The following CFAP52 variants were observed in gnomAD, a reference collection of about 807,000 sequenced individuals.
CFAP52 encodes the protein cilia and flagella associated protein 52, also known as cilia- and flagella-associated protein 52.
CFAP52 carries 57 observed loss-of-function variants against 70.5 expected under a neutral mutation model. The ratio of observed to expected loss-of-function variants is 0.81; its 90% CI spans 0.65 to 1.01. The LOEUF (loss-of-function observed/expected upper bound fraction) is 1.01, where lower values mean the gene tolerates loss of function less well. CFAP52 is among the 50% of genes least tolerant of loss of function. CFAP52 has a pLI of 0.00. For missense variants in CFAP52, 785 were observed against 788.5 expected (o/e 1.00, Z 0.05); for synonymous variants, 267 against 292.5 (o/e 0.91, Z 0.89).
chr17:9,583,514 A>G (rs1315448837), intron 1 of CFAP52, among the ~76,000 whole-genome samples: 1 of 152,156 alleles, frequency 6.6e-6, no homozygotes, highest in Non-Finnish European at 1.5e-5. Context: ...ATAAGAAATG[A>G]GTGAGATCTT....
At position 9,585,682 on chromosome 17, in the gene CFAP52, C is replaced by T. The variant is rs572892013; in HGVS notation, c.71-91C>T. On this transcript the variant is annotated intron_variant, in intron 1 of 13. Transcript: ENST00000352665. ...TGCAAGACTCTGTCACACACACACA[C>T]ACACACAAAGTGTTGTGTTTTGTAC... 2.0e-5 allele frequency: 26 copies of T among 1,282,612 alleles called. No individual in the cohort carries two copies. In the South Asian group the frequency reaches 2.4e-4, roughly 12 times the overall value. 79.5% of individuals were successfully genotyped at this position (1,282,612 alleles called of 1,614,324 possible). A position where few individuals can be genotyped will look rare whatever the true frequency, so the allele number is the denominator to read the frequency against.
chr17:9,632,543 A>G (rs1230273820), intron 9 of CFAP52, among the ~76,000 whole-genome samples: 1 of 152,178 alleles, frequency 6.6e-6, no homozygotes, highest in Non-Finnish European at 1.5e-5. Context: ...GGTGCCTTGG[A>G]TGAAGGAGGT....
chr17:9,642,728 A>G (rs1211904336), intron 13 of CFAP52, among the ~76,000 whole-genome samples: 4 of 152,236 alleles, frequency 2.6e-5, no homozygotes. Flanking sequence ...TCCCAATCAT[A>G]TATATGATGT....
intron 13 of CFAP52, among the ~76,000 whole-genome samples, 156 bp downstream of exon 13, chr17:9,641,991 G>C (rs568894364): frequency 6.6e-6 from 1 of 152,266 alleles, no homozygotes; most frequent in East Asian, 1.9e-4. Context: ...CAATGTGGCT[G>C]AGAAAGAAAA....
chr17:9,635,267 C>G (rs1910720166), intron 10 of CFAP52, 138 bp from the exon 11 acceptor site: 4 of 1,198,286 alleles, frequency 3.3e-6, no homozygotes, highest in Non-Finnish European at 4.6e-6. Flanking sequence ...CATTCACACC[C>G]CACCCAACCG....
rs1326077887 is a variant in CFAP52, at chr17:9,632,890, T to C, written c.1177T>C (p.Trp393Arg). 6 of 1,613,916 alleles carry C rather than the reference T, an allele frequency of 3.7e-6. No individual in the cohort carries two copies. The highest frequency in any genetic ancestry group is 5.1e-6 in the Non-Finnish European group (6 of 1,179,906). The change falls in exon 10 of 14, where the codon TGG (tryptophan) becomes CGG (arginine). Residue 393 changes from tryptophan to arginine, a missense_variant and splice_region_variant. Physicochemically the swap from Trp to Arg is moderately radical, Grantham distance 101 (BLOSUM62 -3). Transcript: ENST00000352665. ...MRDGKSIISA[W>R]NDGKIRAFAP... ...CTTTTGTTTCCCTTTCATGCCAGCATGGAACGACGGTAAAATCCGAGCCTT... is the reference window on the plus strand; with the variant it reads ...CTTTTGTTTCCCTTTCATGCCAGCACGGAACGACGGTAAAATCCGAGCCTT...
chr17:9,613,414 T>C (rs1237848676), intron 8 of CFAP52, among the ~76,000 whole-genome samples: 1 of 152,068 alleles, frequency 6.6e-6, no homozygotes. Context: ...TCCTCAGTAC[T>C]TAGCTTAATT....
intron 6 of CFAP52, among the ~76,000 whole-genome samples, chr17:9,602,298 C>T (rs768311432): frequency 5.9e-5 from 9 of 152,072 alleles, no homozygotes; most frequent in Admixed American, 2.6e-4. Flanking sequence ...TGACAGGCCC[C>T]GGTGTGTGAT....
At chr17:9,638,760 C>T (rs1159837369) in intron 12 of CFAP52, 49 bp downstream of exon 12, 3 of 1,584,922 alleles carry the variant, frequency 1.9e-6, no homozygotes, top group Admixed American at 1.7e-5. Flanking sequence ...AAGAGAAAAG[C>T]AGTGAGGCGT....
intron 4 of CFAP52, 59 bp downstream of exon 4, chr17:9,594,380 A>T: frequency 6.4e-7 from 1 of 1,572,954 alleles, no homozygotes; most frequent in Non-Finnish European, 8.7e-7. Context: ...TCTTGCACAG[A>T]AAACATGGTC....
intron 3 of CFAP52, 106 bp downstream of exon 3, chr17:9,586,940 G>T (rs951683043): frequency 1.5e-6 from 2 of 1,320,568 alleles, no homozygotes; most frequent in African/African-American, 3.0e-5. Context: ...TTATGTCACG[G>T]GTTTGTTGTA....
chr17:9,643,556 T>C (rs1911187184), downstream of CFAP52: 1 of 160,788 alleles, frequency 6.2e-6, no homozygotes, highest in Non-Finnish European at 1.3e-5. Context: ...TGAGGTGAAT[T>C]TCCTTCTTAA....
At chr17:9,613,596 C>A (rs139321138) in intron 8 of CFAP52, among the ~76,000 whole-genome samples, 33 of 152,184 alleles carry the variant, frequency 2.2e-4, no homozygotes, top group African/African-American at 6.5e-4. Flanking sequence ...CGACTCACTG[C>A]AACCTCTGCC....
chr17:9,613,120 A>G (rs1379715402), intron 8 of CFAP52, among the ~76,000 whole-genome samples: 1 of 151,954 alleles, frequency 6.6e-6, no homozygotes, highest in Non-Finnish European at 1.5e-5. Context: ...ATCTTAAGAC[A>G]CGAAGTATCT....
chr17:9,614,726 T>C (rs1006364380), intron 8 of CFAP52, among the ~76,000 whole-genome samples: 5 of 152,230 alleles, frequency 3.3e-5, no homozygotes, highest in African/African-American at 1.2e-4. Context: ...TGGATGCTAT[T>C]CTGTGCATTA....
intron 11 of CFAP52, among the ~76,000 whole-genome samples, chr17:9,637,354 G>T (rs56371689): frequency 6.6e-6 from 1 of 151,980 alleles, no homozygotes; most frequent in Non-Finnish European, 1.5e-5. Flanking sequence ...AAGCTGTTCC[G>T]TTGTGTAGCA....
chr17:9,632,737 G>A (rs1228019584), intron 9 of CFAP52, 151 bp from the exon 10 acceptor site: 33 of 1,155,672 alleles, frequency 2.9e-5, no homozygotes, highest in Non-Finnish European at 3.7e-5. Context: ...AGGGAAAGGG[G>A]CCTATGGTGA....
intron 13 of CFAP52, 58 bp downstream of exon 13, chr17:9,641,893 GA>G: frequency 6.8e-7 from 1 of 1,467,902 alleles, no homozygotes; most frequent in Non-Finnish European, 9.5e-7. Context: ...GACATGGAAG[GA>G]ACTCCCAGGC....
chr17:9,644,167 G>T (rs982286086), downstream of CFAP52, among the ~76,000 whole-genome samples: 3 of 152,162 alleles, frequency 2.0e-5, no homozygotes, highest in African/African-American at 7.2e-5. Context: ...CTTGTCGCCC[G>T]GCTGGAGTGC....
Sources: allele counts gnomAD v4.1 joint callset (sites outside exome capture counted in the v4.1 genomes callset), GRCh38; gene constraint gnomAD v4.1.1; transcripts MANE v1.5; gene names NCBI Gene and HGNC (gene_info 2026-07-23, HGNC 2026-07-21).